Variants in ACOXL observed in about 807,000 individuals in gnomAD.
ACOXL encodes acyl-coenzyme A oxidase-like protein.
In ACOXL, 70 loss-of-function variants were observed where a neutral mutation model predicts 71.9. The observed-to-expected ratio is 0.97, with a 90% CI of 0.80 to 1.19. The LOEUF (loss-of-function observed/expected upper bound fraction) is 1.19, where lower values mean the gene tolerates loss of function less well. ACOXL is among the 50% of genes most tolerant of loss of function. The pLI is 0.00. For missense variants in ACOXL, 703 were observed against 736.3 expected, an observed-to-expected ratio of 0.95 and a Z score of 0.52; for synonymous variants, 253 against 281.6, an observed-to-expected ratio of 0.90 and a Z score of 1.02.
chr2:110,931,941 GA>G (rs1381406857), intron 11 of ACOXL, among the ~76,000 whole-genome samples: 2 of 152,170 alleles, frequency 1.3e-5, no homozygotes, highest in Non-Finnish European at 2.9e-5. Context: ...CAAGAGAAAT[GA>G]AGACATGTAT....
At chr2:111,016,462 A>G (rs2064441299) in intron 14 of ACOXL, 1 of 152,232 alleles carries the variant, frequency 6.6e-6, no homozygotes, top group African/African-American at 2.4e-5. Flanking sequence ...ATTTACAATT[A>G]TAACTTAAAC....
intron 13 of ACOXL, among the ~76,000 whole-genome samples, chr2:110,995,496 T>C (rs767807684): frequency 0.042 from 114 of 2,708 alleles, 1 homozygote; most frequent in Non-Finnish European, 0.073. Context: ...TGAGACTCTG[T>C]CTCAAAAAAA....
chr2:110,757,742 G>T lies in ACOXL; in HGVS notation c.-22-10626G>T, dbSNP rs373540133. On this transcript the variant is annotated intron_variant, in intron 1 of 17. Coordinates refer to ENST00000439055, the MANE Select transcript of ACOXL (RefSeq NM_001142807.4). ...GGTCCTTTGCCTACCTTTTAATGGG[G>T]TTTTTTTTTTTCTTGTCAATTTGTT... Among the ~76,000 whole-genome samples the T allele has an allele frequency of 4.9e-4, 71 of 145,806 alleles. 2 individuals are homozygous for T. The highest frequency in any genetic ancestry group is 1.6e-3 in the East Asian group (8 of 5,026).
At chr2:110,745,678 G>A (rs1408175246) in intron 1 of ACOXL, among the ~76,000 whole-genome samples, 3 of 152,164 alleles carry the variant, frequency 2.0e-5, no homozygotes, top group Non-Finnish European at 2.9e-5. Context: ...CAATATTTTT[G>A]TTTTTCTGGG....
intron 14 of ACOXL, among the ~76,000 whole-genome samples, chr2:111,022,078 C>T (rs1039070553): frequency 2.0e-5 from 3 of 152,124 alleles, no homozygotes; most frequent in African/African-American, 7.2e-5. Context: ...GAAGGCCGGA[C>T]GTGGTGGCTC....
At chr2:111,101,291 T>A (rs1260994611) in intron 17 of ACOXL, 1 of 152,194 alleles carries the variant, frequency 6.6e-6, no homozygotes, top group African/African-American at 2.4e-5. Flanking sequence ...GGAAAGATGG[T>A]GCTGGGATAT....
intron 15 of ACOXL, chr2:111,036,825 C>T (rs1443551078): frequency 6.6e-6 from 1 of 152,164 alleles, no homozygotes; most frequent in African/African-American, 2.4e-5. Flanking sequence ...AGCGACGAAG[C>T]TTGTGGCCAA....
chr2:110,879,630 G>T (rs1696370177), intron 10 of ACOXL, among the ~76,000 whole-genome samples: 1 of 152,146 alleles, frequency 6.6e-6, no homozygotes, highest in Non-Finnish European at 1.5e-5. Flanking sequence ...ATCAGTAACG[G>T]TATTGACTGA....
At chr2:110,856,832 G>A (rs1693311217) in intron 10 of ACOXL, among the ~76,000 whole-genome samples, 1 of 152,192 alleles carries the variant, frequency 6.6e-6, no homozygotes, top group African/African-American at 2.4e-5. Context: ...AAAGCCAGAA[G>A]ACCCTGTGTG....
At chr2:110,803,387 T>A (rs1229142735) in intron 8 of ACOXL, among the ~76,000 whole-genome samples, 1 of 152,218 alleles carries the variant, frequency 6.6e-6, no homozygotes, top group Non-Finnish European at 1.5e-5. Context: ...TCAATTAATA[T>A]TCCACTGCAG....
chr2:110,861,544 T>G (rs935271473), intron 10 of ACOXL, among the ~76,000 whole-genome samples: 18 of 152,126 alleles, frequency 1.2e-4, no homozygotes, highest in African/African-American at 4.1e-4. Flanking sequence ...CTTCTTGACC[T>G]GGAACGGAGA....
chr2:110,932,363 G>T (rs1475687477), intron 11 of ACOXL, among the ~76,000 whole-genome samples: 1 of 152,174 alleles, frequency 6.6e-6, no homozygotes, highest in African/African-American at 2.4e-5. Context: ...TCTTCAAGTG[G>T]TGCACTTTGA....
Position 111,117,926 on chromosome 2 carries a change from T to G in ACOXL, c.*110T>G, listed in dbSNP as rs1277891466. The G allele has an allele frequency of 1.8e-5, 23 of 1,298,912 alleles. No individual in the cohort carries two copies. Among genetic ancestry groups the G allele is most frequent in the Non-Finnish European group, 1.0e-6 (1 of 970,288 alleles). The allele number at this position is 1,298,912 out of a possible 1,614,324, so 80.5% of individuals were successfully genotyped here. On this transcript the variant is annotated 3_prime_UTR_variant, in exon 18 of 18. Transcript: ENST00000439055. ...GGGCTGGCACCCGCTGGGCCGCCAC[T>G]CTCGGGGATTTTGGTGGCAAAGCGG...
chr2:110,789,871 G>GGAAT (rs771369011), intron 3 of ACOXL, among the ~76,000 whole-genome samples: 1 of 152,244 alleles, frequency 6.6e-6, no homozygotes, highest in Non-Finnish European at 1.5e-5. Context: ...CTGTTGTTTA[G>GGAAT]GAATGGCCTG....
intron 10 of ACOXL, among the ~76,000 whole-genome samples, chr2:110,878,072 A>G (rs2149078070): frequency 6.6e-6 from 1 of 152,356 alleles, no homozygotes; most frequent in South Asian, 2.1e-4. Flanking sequence ...ATTTAAAACA[A>G]TCCCCATCCT....
At chr2:110,813,936 C>T (rs1687629812) in intron 9 of ACOXL, among the ~76,000 whole-genome samples, 1 of 152,184 alleles carries the variant, frequency 6.6e-6, no homozygotes, top group Non-Finnish European at 1.5e-5. Flanking sequence ...TAACAGTTTG[C>T]CCAGAGCTTT....
chr2:110,789,248 G>A (rs772560137), intron 3 of ACOXL, among the ~76,000 whole-genome samples: 6 of 152,172 alleles, frequency 3.9e-5, no homozygotes, highest in Non-Finnish European at 8.8e-5. Flanking sequence ...TTGTGAGCCA[G>A]CCCAAGTTTC....
At chr2:110,873,676 C>T (rs1695542550) in intron 10 of ACOXL, among the ~76,000 whole-genome samples, 1 of 152,106 alleles carries the variant, frequency 6.6e-6, no homozygotes, top group African/African-American at 2.4e-5. Context: ...CCTGCTCATC[C>T]CTCAAATTGC....
intron 9 of ACOXL, among the ~76,000 whole-genome samples, chr2:110,814,145 A>G (rs1573643750): frequency 6.6e-6 from 1 of 152,336 alleles, no homozygotes; most frequent in Non-Finnish European, 1.5e-5. Context: ...CCACGTTGAA[A>G]ATGTGGACAT....
Sources: allele counts gnomAD v4.1 joint callset (sites outside exome capture counted in the v4.1 genomes callset), GRCh38; gene constraint gnomAD v4.1.1; transcripts MANE v1.5; gene names NCBI Gene and HGNC (gene_info 2026-07-23, HGNC 2026-07-21).